The following CRLS1 variants were observed in gnomAD, a reference collection of about 807,000 sequenced individuals.
The protein encoded by CRLS1 is cardiolipin synthase (CMP-forming).
In CRLS1, 24 loss-of-function variants were observed where a neutral mutation model predicts 37.0. The ratio of observed to expected loss-of-function variants is 0.65; its 90% confidence interval spans 0.47 to 0.91. The LOEUF (loss-of-function observed/expected upper bound fraction) is 0.91. Among genes scored for constraint, CRLS1 ranks in the 40% least tolerant of loss-of-function variants. The probability of loss-of-function intolerance (pLI) is 0.00; values close to 1 mark genes in which losing one functional copy is unlikely to be tolerated. For synonymous variants in CRLS1, 135 were observed against 159.7 expected, an observed-to-expected ratio of 0.85 and a Z score of 1.17; for missense variants, 373 against 395.8, an observed-to-expected ratio of 0.94 and a Z score of 0.49.
rs549876275 is a variant in CRLS1 at position 6,010,393 on chromosome 20, G to T, written c.444+481G>T. ...AGAAGCATGTAGAAGTCATAGCTTT[G>T]CTCAGGTTTCATGCTAGCAGAAGGC... On this transcript the variant is annotated intron_variant, in intron 2 of 6. Transcript: ENST00000378863. Among the ~76,000 whole-genome samples the T allele has an allele frequency of 6.6e-4, 100 of 152,330 alleles. 1 individual carries two copies. Among genetic ancestry groups the T allele is most frequent in the African/African-American group, 2.3e-3 (95 of 41,562 alleles).
chr20:6,018,059 T>C (rs1333086854), intron 3 of CRLS1, among the ~76,000 whole-genome samples: 1 of 151,720 alleles, frequency 6.6e-6, no homozygotes, highest in African/African-American at 2.4e-5. Flanking sequence ...CTACTAAAAA[T>C]ACAACAATTA....
chr20:6,031,009 CACAA>C (rs60540305), intron 3 of CRLS1, among the ~76,000 whole-genome samples: 1,712 of 152,056 alleles, frequency 0.011, 39 homozygotes, highest in African/African-American at 0.039. Context: ...AAGAAAAAAA[CACAA>C]ACAGATGAGA....
chr20:6,037,101 A>G lies in CRLS1; in HGVS notation c.849A>G (p.Ala283=). The part of the protein sequence containing the change: ...LWCFTAFTTA[A]SAYSYYHYGR... ...GTTTTACAGCTTTCACCACAGCTGCATCAGCTTATAGTTACTATCATTATG... is the reference window on the plus strand; with the variant it reads ...GTTTTACAGCTTTCACCACAGCTGCGTCAGCTTATAGTTACTATCATTATG... Residue 283 remains alanine, a synonymous_variant, in exon 7 of 7, where the codon GCA becomes GCG. Coordinates refer to ENST00000378863, the MANE Select transcript of CRLS1 (RefSeq NM_019095.6). 1 of 1,613,578 alleles carries G rather than the reference A, an allele frequency of 6.2e-7. No individual in the cohort carries two copies. Among genetic ancestry groups the G allele is most frequent in the Non-Finnish European group, 8.5e-7 (1 of 1,179,760 alleles).
Position 6,032,090 on chromosome 20 carries a change from T to A in CRLS1, c.729+10T>A. The A allele has an allele frequency of 2.5e-6, 4 of 1,596,040 alleles. No individual in the cohort carries two copies. The highest frequency in any genetic ancestry group is 3.4e-6 in the Non-Finnish European group (4 of 1,164,096). ...AACATTCATCAGCAAGGTAAGAGAA[T>A]GCAATGTTCTTTGAAGTTATTCCTT... On this transcript the variant is annotated intron_variant, in intron 5 of 6. Transcript: ENST00000378863.
intron 2 of CRLS1, among the ~76,000 whole-genome samples, chr20:6,011,308 A>G (rs1347007746): frequency 1.3e-5 from 2 of 152,118 alleles, no homozygotes; most frequent in Non-Finnish European, 2.9e-5. Flanking sequence ...TCTTTGTAAC[A>G]TCAGCTGTTC....
chr20:6,016,985 CT>C (rs112951988), intron 3 of CRLS1, among the ~76,000 whole-genome samples: 1,707 of 151,982 alleles, frequency 0.011, 38 homozygotes, highest in African/African-American at 0.039. Context: ...TATCTTTTAT[CT>C]TTTTTTCTTT....
At chr20:6,015,291 T>G in intron 2 of CRLS1, 70 bp from the exon 3 acceptor site, 1 of 1,017,998 alleles carries the variant, frequency 9.8e-7, no homozygotes, top group Non-Finnish European at 1.4e-6. Flanking sequence ...TGGTATATCT[T>G]AAGCTTCAGA....
chr20:6,018,237 ATT>A (rs1978921627), intron 3 of CRLS1, among the ~76,000 whole-genome samples: 13 of 150,980 alleles, frequency 8.6e-5, no homozygotes, highest in Non-Finnish European at 1.2e-4. Flanking sequence ...AAAAAAAAAA[ATT>A]ATTTTCTTAT....
At chr20:6,009,076 G>A (rs1010118885) in intron 1 of CRLS1, among the ~76,000 whole-genome samples, 2 of 152,206 alleles carry the variant, frequency 1.3e-5, no homozygotes, top group Non-Finnish European at 2.9e-5. Flanking sequence ...TGTAATCCCA[G>A]CACTTTGGGA....
intron 2 of CRLS1, among the ~76,000 whole-genome samples, chr20:6,014,311 T>A (rs544793432): frequency 6.6e-6 from 1 of 152,344 alleles, no homozygotes; most frequent in Admixed American, 6.5e-5. Context: ...TCTGTTCTGC[T>A]ACAAAGACCA....
intron 3 of CRLS1, among the ~76,000 whole-genome samples, chr20:6,030,981 A>G (rs1439827007): frequency 3.3e-5 from 5 of 152,068 alleles, no homozygotes; most frequent in Admixed American, 6.5e-5. Context: ...ACTGCGGACT[A>G]ATAGCTTAAA....
At chr20:6,028,995 C>T (rs1054363900) in intron 3 of CRLS1, among the ~76,000 whole-genome samples, 1 of 152,190 alleles carries the variant, frequency 6.6e-6, no homozygotes, top group African/African-American at 2.4e-5. Flanking sequence ...CTTCAGTTGG[C>T]TGAGGCCTTT....
At position 6,009,794 on chromosome 20, in the gene CRLS1, TC is replaced by T. The variant is rs773830137; in HGVS notation, c.329del (p.Pro110ArgfsTer6). 6.2e-7 allele frequency: 1 copy of T among 1,613,838 alleles called. No homozygotes were observed. The highest frequency in any genetic ancestry group is 8.5e-7 in the Non-Finnish European group (1 of 1,179,832). On this transcript the variant is annotated frameshift_variant, in exon 2 of 7. Transcript: ENST00000378863. ...TTTCAGTATGAAAACCCATGGACAATCCCGAATATGTTGTCAATGACGAGAA... is the reference window on the plus strand; with the variant it reads ...TTTCAGTATGAAAACCCATGGACAATCCGAATATGTTGTCAATGACGAGAA... ...TPSLYENPWT[I>X]PNMLSMTRIG...
intron 1 of CRLS1, among the ~76,000 whole-genome samples, chr20:6,008,733 C>T (rs1447758205): frequency 6.6e-6 from 1 of 152,176 alleles, no homozygotes; most frequent in Non-Finnish European, 1.5e-5. Context: ...TTTTTGTTCT[C>T]TTCATTCAAA....
intron 3 of CRLS1, chr20:6,016,063 A>T (rs1267861675): frequency 6.4e-6 from 1 of 156,380 alleles, no homozygotes. Context: ...CGTATTTCTC[A>T]GTTTTTCTCC....
rs768464432 is a variant in CRLS1, at chr20:6,020,798, AT to A, written c.574+5323del. On this transcript the variant is annotated intron_variant, in intron 3 of 6. Coordinates refer to ENST00000378863, the MANE Select transcript of CRLS1 (RefSeq NM_019095.6). ...CCACCACGCCCGGCTAATTTTTTGT[AT>A]TTTTTTTTTTTTTTAGTAGAGGCGG... 2.0e-3 allele frequency among the ~76,000 whole-genome samples: 283 copies of A among 139,396 alleles called. 1 individual carries two copies. The highest frequency in any genetic ancestry group is 0.015 in the East Asian group (71 of 4,738). 91.4% of individuals were successfully genotyped at this position (139,396 alleles called of 152,430 possible). A position where few individuals can be genotyped will look rare whatever the true frequency, so the allele number is the denominator to read the frequency against.
chr20:6,015,766 T>C (rs1448887457), intron 3 of CRLS1: 1 of 307,910 alleles, frequency 3.2e-6, no homozygotes, highest in African/African-American at 2.2e-5. Context: ...TTCATATTAC[T>C]CTGAAATTTT....
chr20:6,016,037 C>T (rs1446608697), intron 3 of CRLS1: 1 of 156,626 alleles, frequency 6.4e-6, no homozygotes, highest in East Asian at 1.9e-4. Context: ...TCTGATTGTT[C>T]ATTTTCTTCT....
chr20:6,022,335 C>CTTTTTT (rs34621758), intron 3 of CRLS1, among the ~76,000 whole-genome samples: 6 of 94,708 alleles, frequency 6.3e-5, no homozygotes, highest in African/African-American at 1.7e-4. Context: ...TAATCCATTG[C>CTTTTTT]TTTTTTTTTT....
Sources: gnomAD v4.1 joint callset for allele counts (sites outside exome capture counted in the v4.1 genomes callset) on GRCh38, gnomAD v4.1.1 for gene constraint, MANE v1.5 for transcripts, NCBI Gene and HGNC (gene_info 2026-07-23, HGNC 2026-07-21) for gene names.